DCHS2: variants seen among roughly 807,000 people sequenced by gnomAD.
DCHS2 encodes dachsous cadherin-related 2.
DCHS2 carries 142 observed loss-of-function variants against 182.4 expected under a neutral mutation model. The observed-to-expected ratio is 0.78, with a 90% CI of 0.68 to 0.89. DCHS2 has a LOEUF of 0.89. Among genes scored for constraint, DCHS2 ranks in the 40% least tolerant of loss-of-function variants. The pLI is 0.00. For synonymous variants in DCHS2, 1,740 were observed against 1,663.3 expected, an observed-to-expected ratio of 1.05 and a Z score of -1.12; for missense variants, 4,319 against 4,198.6, an observed-to-expected ratio of 1.03 and a Z score of -0.79.
intron 13 of DCHS2, among the ~76,000 whole-genome samples, chr4:154,291,787 AC>A (rs1304542401): frequency 6.6e-6 from 1 of 152,170 alleles, no homozygotes; most frequent in African/African-American, 2.4e-5. Context: ...AAGGATGGTT[AC>A]CAGAAGCTGG....
intron 1 of DCHS2, chr4:154,384,344 C>T (rs1307046866): frequency 1.2e-6 from 2 of 1,606,860 alleles, no homozygotes; most frequent in Non-Finnish European, 1.7e-6. Context: ...CCCTCCTCCT[C>T]ATGCACCACC....
intron 1 of DCHS2, among the ~76,000 whole-genome samples, chr4:154,469,880 C>A (rs1735389241): frequency 6.6e-6 from 1 of 152,148 alleles, no homozygotes; most frequent in Non-Finnish European, 1.5e-5. Flanking sequence ...TCACCTTGTC[C>A]CCAGCCACTC....
At chr4:154,299,147 T>C (rs1464629463) in intron 12 of DCHS2, among the ~76,000 whole-genome samples, 1 of 152,156 alleles carries the variant, frequency 6.6e-6, no homozygotes, top group East Asian at 1.9e-4. Context: ...ATGAACAGAT[T>C]TGATTTGTAG....
At chr4:154,465,752 A>G (rs918880752) in intron 1 of DCHS2, among the ~76,000 whole-genome samples, 2 of 152,116 alleles carry the variant, frequency 1.3e-5, no homozygotes, top group African/African-American at 2.4e-5. Flanking sequence ...CACCCTCAAT[A>G]AAGGACAATA....
At chr4:154,481,330 T>C (rs529385815) in intron 1 of DCHS2, among the ~76,000 whole-genome samples, 259 of 152,264 alleles carry the variant, frequency 1.7e-3, no homozygotes, top group South Asian at 4.8e-3. Context: ...GGCGCAATCA[T>C]GGTTCACTGC....
chr4:154,265,570 G>C (rs997775527), intron 14 of DCHS2, among the ~76,000 whole-genome samples: 16 of 152,116 alleles, frequency 1.1e-4, no homozygotes, highest in African/African-American at 3.6e-4. Context: ...CTCGAGTTCA[G>C]GAGTTTGAGG....
chr4:154,244,842 T>C (rs905581698), intron 16 of DCHS2, among the ~76,000 whole-genome samples: 1 of 152,178 alleles, frequency 6.6e-6, no homozygotes, highest in Non-Finnish European at 1.5e-5. Flanking sequence ...AGTATGAATG[T>C]CAGTCAGATA....
chr4:154,472,150 T>G (rs1735498700), intron 1 of DCHS2, among the ~76,000 whole-genome samples: 1 of 152,208 alleles, frequency 6.6e-6, no homozygotes, highest in African/African-American at 2.4e-5. Context: ...TGGCTGGTTG[T>G]CAACAGTGTC....
intron 3 of DCHS2, among the ~76,000 whole-genome samples, chr4:154,344,973 G>A (rs1200663006): frequency 2.6e-5 from 4 of 152,304 alleles, no homozygotes; most frequent in African/African-American, 9.6e-5. Context: ...AAATGGTGCA[G>A]TTGGTGCCAA....
intron 3 of DCHS2, among the ~76,000 whole-genome samples, chr4:154,364,391 G>A (rs961524435): frequency 1.3e-5 from 2 of 152,192 alleles, no homozygotes; most frequent in Non-Finnish European, 2.9e-5. Flanking sequence ...CCTGATTACT[G>A]GCTGACCTAT....
At chr4:154,318,527 AC>A (rs1257669420) in intron 9 of DCHS2, among the ~76,000 whole-genome samples, 3 of 152,082 alleles carry the variant, frequency 2.0e-5, no homozygotes, top group African/African-American at 7.2e-5. Flanking sequence ...AAGGCAGGAT[AC>A]AAAAATCAGT....
intron 9 of DCHS2, among the ~76,000 whole-genome samples, chr4:154,318,806 A>G (rs538065467): frequency 2.0e-5 from 3 of 152,178 alleles, no homozygotes; most frequent in Non-Finnish European, 2.9e-5. Context: ...TGCAATCTCT[A>G]CCAAAATCTC....
chr4:154,477,293 C>A (rs6536012), intron 1 of DCHS2, among the ~76,000 whole-genome samples: 1 of 151,920 alleles, frequency 6.6e-6, no homozygotes. Flanking sequence ...CATGCAGATG[C>A]AACCCTCATA....
chr4:154,344,135 T>C (rs921968306), intron 3 of DCHS2, among the ~76,000 whole-genome samples: 21 of 152,180 alleles, frequency 1.4e-4, no homozygotes, highest in African/African-American at 4.8e-4. Context: ...TTCATGGCCA[T>C]GGTTTGTGGC....
chr4:154,491,376 A>G lies in DCHS2; in HGVS notation c.-21T>C. On this transcript the variant is annotated 5_prime_UTR_variant, in exon 1 of 20. Coordinates refer to ENST00000357232, the MANE Select transcript of DCHS2 (RefSeq NM_001358235.2). ...CTCATTTCTCCTCCAGCTCCTTGGG[A>G]AGGCTCTCGGGTAACTGCCAGCTTG... is the stretch of plus-strand genomic sequence containing the variant. The G allele has an allele frequency of 6.7e-7, 1 of 1,491,576 alleles. No homozygotes were observed. Among genetic ancestry groups the G allele is most frequent in the Non-Finnish European group, 9.0e-7 (1 of 1,116,468 alleles). 92.4% of individuals were successfully genotyped at this position (1,491,576 alleles called of 1,614,324 possible).
chr4:154,384,472 T>A (rs1433046253), intron 1 of DCHS2: 1 of 1,587,934 alleles, frequency 6.3e-7, no homozygotes, highest in Non-Finnish European at 8.6e-7. Flanking sequence ...CACTGACTGC[T>A]TGTAGGGGAC....
rs960641429 is a variant in DCHS2 at position 154,261,028 on chromosome 4, A to G, written c.6578-1272T>C. On this transcript the variant is annotated intron_variant, in intron 14 of 19. Transcript: ENST00000357232. ...ACTTTACAATAAAATTTCCGACTCA[A>G]TGTATTATTTTTATTTACTTGGCTT... Among the ~76,000 whole-genome samples, 3 of 152,248 alleles carry G rather than the reference A, an allele frequency of 2.0e-5. No homozygotes were observed. In the East Asian group the frequency reaches 5.8e-4, roughly 29 times the overall value.
At chr4:154,435,376 C>G (rs561713452) in intron 1 of DCHS2, among the ~76,000 whole-genome samples, 2 of 152,186 alleles carry the variant, frequency 1.3e-5, no homozygotes, top group Non-Finnish European at 2.9e-5. Context: ...GCAGGCAGAT[C>G]ACGAGGTCAG....
chr4:154,386,723 T>C (rs1013894463), intron 1 of DCHS2, among the ~76,000 whole-genome samples: 3 of 152,170 alleles, frequency 2.0e-5, no homozygotes, highest in Non-Finnish European at 4.4e-5. Flanking sequence ...GTTTGTTGCA[T>C]GAATTAATGA....
Sources: allele counts gnomAD v4.1 joint callset (sites outside exome capture counted in the v4.1 genomes callset), GRCh38; gene constraint gnomAD v4.1.1; transcripts MANE v1.5; gene names NCBI Gene and HGNC (gene_info 2026-07-23, HGNC 2026-07-21).